SOX6: variants seen among roughly 807,000 people sequenced by gnomAD.
SOX6 encodes the protein transcription factor SOX-6.
In SOX6, 11 loss-of-function variants were observed where a neutral mutation model predicts 97.8. That is an observed-to-expected ratio of 0.11 (90% confidence interval 0.07 to 0.19). SOX6 has a LOEUF of 0.19. Ranked by LOEUF, SOX6 falls within the 10% of genes least tolerant of loss-of-function variation. The pLI is 1.00. For missense variants in SOX6, 810 were observed against 1,039.5 expected, an observed-to-expected ratio of 0.78 and a Z score of 3.04; for synonymous variants, 360 against 371.4, an observed-to-expected ratio of 0.97 and a Z score of 0.35.
intron 1 of SOX6, among the ~76,000 whole-genome samples, chr11:16,347,147 GGAA>G (rs1227424437): frequency 6.6e-6 from 1 of 152,060 alleles, no homozygotes; most frequent in East Asian, 1.9e-4. Context: ...AGTATCTGCT[GGAA>G]GAGACAGGCA....
intron 6 of SOX6, among the ~76,000 whole-genome samples, chr11:16,114,802 G>A (rs946232891): frequency 1.3e-5 from 2 of 151,744 alleles, no homozygotes; most frequent in African/African-American, 2.4e-5. Context: ...CAGCATCTTA[G>A]AATGAAAACA....
At chr11:16,726,984 G>T (rs1040863518) in intron 2 of SOX6, among the ~76,000 whole-genome samples, 12 of 152,088 alleles carry the variant, frequency 7.9e-5, no homozygotes, top group South Asian at 6.2e-4. Flanking sequence ...GCTTATATTT[G>T]TGACCCTGAC....
At chr11:16,206,321 A>G (rs1320993657) in intron 4 of SOX6, among the ~76,000 whole-genome samples, 2 of 152,188 alleles carry the variant, frequency 1.3e-5, no homozygotes, top group Non-Finnish European at 2.9e-5. Flanking sequence ...TTGGAATAAA[A>G]ACAGAATACA....
chr11:16,502,152 G>A (rs1186030738), intron 4 of SOX6, among the ~76,000 whole-genome samples: 1 of 152,182 alleles, frequency 6.6e-6, no homozygotes, highest in African/African-American at 2.4e-5. Context: ...ATGAGTTCAT[G>A]TCCTTTGTAG....
At chr11:16,227,441 T>G (rs1326205292) in intron 4 of SOX6, among the ~76,000 whole-genome samples, 3 of 144,434 alleles carry the variant, frequency 2.1e-5, no homozygotes, top group Admixed American at 6.8e-5. Flanking sequence ...ATTTTTAATG[T>G]TTTTTTTTTC....
intron 12 of SOX6, among the ~76,000 whole-genome samples, chr11:16,037,359 T>C (rs1855545941): frequency 6.6e-6 from 1 of 152,184 alleles, no homozygotes; most frequent in South Asian, 2.1e-4. Flanking sequence ...GTCCTTCCTC[T>C]GCATACTGTT....
intron 4 of SOX6, among the ~76,000 whole-genome samples, chr11:16,510,855 A>T (rs192039290): frequency 2.4e-4 from 37 of 152,152 alleles, no homozygotes; most frequent in African/African-American, 8.4e-4. Context: ...TCCATTTTCC[A>T]TGTGGGTAAA....
chr11:16,264,127 T>C (rs1183773037), intron 3 of SOX6, among the ~76,000 whole-genome samples: 3 of 151,848 alleles, frequency 2.0e-5, no homozygotes, highest in Non-Finnish European at 2.9e-5. Flanking sequence ...AATACACAAA[T>C]ATATGAAAAG....
intron 1 of SOX6, among the ~76,000 whole-genome samples, chr11:16,409,886 C>A (rs1858764373): frequency 6.6e-6 from 1 of 151,516 alleles, no homozygotes; most frequent in Non-Finnish European, 1.5e-5. Context: ...AAGAGGAAGA[C>A]TATCTAAAAT....
chr11:16,562,880 G>C (rs1045209960), intron 4 of SOX6, among the ~76,000 whole-genome samples: 2 of 152,034 alleles, frequency 1.3e-5, no homozygotes, highest in Non-Finnish European at 2.9e-5. Context: ...CCACCCAGAG[G>C]ACCATCTGAA....
intron 6 of SOX6, among the ~76,000 whole-genome samples, chr11:16,156,378 A>G (rs1403208744): frequency 6.6e-6 from 1 of 151,700 alleles, no homozygotes; most frequent in Non-Finnish European, 1.5e-5. Flanking sequence ...ATTTCCGAAA[A>G]TTCTGCTCTC....
At chr11:16,588,605 C>T (rs929070561) in intron 4 of SOX6, among the ~76,000 whole-genome samples, 4 of 152,154 alleles carry the variant, frequency 2.6e-5, no homozygotes, top group Admixed American at 1.3e-4. Flanking sequence ...CTTGACCCCC[C>T]TCTCCTGAAC....
chr11:16,002,825 C>T lies in SOX6; in HGVS notation c.1732+12117G>A, dbSNP rs542369366. Among the ~76,000 whole-genome samples the T allele has an allele frequency of 5.3e-5, 8 of 152,270 alleles. No homozygotes were observed. In the South Asian group the frequency reaches 1.7e-3, roughly 32 times the overall value. On this transcript the variant is annotated intron_variant, in intron 13 of 15. Transcript: ENST00000683767. ...GCTCTACCTCCTGTCATAGACTCTA[C>T]ATGAAATTAAGAAGTGCAAAGCAAG...
intron 3 of SOX6, among the ~76,000 whole-genome samples, chr11:16,244,754 A>ATGTG (rs1273579387): frequency 6.6e-6 from 1 of 150,648 alleles, no homozygotes; most frequent in Non-Finnish European, 1.5e-5. Flanking sequence ...TAGAGTGTGT[A>ATGTG]TGTGTGTGTG....
At chr11:16,287,296 TCTCA>T (rs1854781466) in intron 3 of SOX6, among the ~76,000 whole-genome samples, 1 of 120,104 alleles carries the variant, frequency 8.3e-6, no homozygotes, top group African/African-American at 3.2e-5. Flanking sequence ...TCTCTCTCTC[TCTCA>T]CACACACACA....
intron 4 of SOX6, among the ~76,000 whole-genome samples, chr11:16,496,855 G>T (rs1860607217): frequency 6.6e-6 from 1 of 152,208 alleles, no homozygotes; most frequent in Non-Finnish European, 1.5e-5. Flanking sequence ...CGCAGGTCAA[G>T]GAGGCCTGCC....
At chr11:16,159,061 T>C (rs1850674817) in intron 6 of SOX6, among the ~76,000 whole-genome samples, 1 of 152,040 alleles carries the variant, frequency 6.6e-6, no homozygotes, top group African/African-American at 2.4e-5. Context: ...ATAGTCCCAA[T>C]AAGCTCACCT....
At chr11:16,707,248 ATATAGT>A (rs1380097364) in intron 3 of SOX6, among the ~76,000 whole-genome samples, 1 of 152,186 alleles carries the variant, frequency 6.6e-6, no homozygotes, top group African/African-American at 2.4e-5. Context: ...AAGAAATAAG[ATATAGT>A]TAGTTTTAAA....
upstream of SOX6, among the ~76,000 whole-genome samples, chr11:16,477,460 A>T (rs1213790075): frequency 6.6e-6 from 1 of 152,222 alleles, no homozygotes; most frequent in Non-Finnish European, 1.5e-5. Flanking sequence ...AATTAAGATG[A>T]ATATGAAATA....
Sources: allele counts gnomAD v4.1 joint callset (sites outside exome capture counted in the v4.1 genomes callset), GRCh38; gene constraint gnomAD v4.1.1; transcripts MANE v1.5; gene names NCBI Gene and HGNC (gene_info 2026-07-23, HGNC 2026-07-21).